Variants in CDC20B observed in about 807,000 individuals in gnomAD.
CDC20B encodes the protein cell division cycle protein 20 homolog B.
In CDC20B, 58 loss-of-function variants were observed where a neutral mutation model predicts 64.1. The ratio of observed to expected loss-of-function variants is 0.90; its 90% CI spans 0.73 to 1.13. The LOEUF (loss-of-function observed/expected upper bound fraction) is 1.13, where lower values mean the gene tolerates loss of function less well. Ranked by LOEUF, CDC20B falls within the 50% of genes most tolerant of loss-of-function variation. The pLI is 0.00. For missense variants in CDC20B, 597 were observed against 633.0 expected, an observed-to-expected ratio of 0.94 and a Z score of 0.61; for synonymous variants, 243 against 230.6, an observed-to-expected ratio of 1.05 and a Z score of -0.49.
intron 2 of CDC20B, among the ~76,000 whole-genome samples, chr5:55,147,373 G>A (rs1743524314): frequency 7.1e-6 from 1 of 140,236 alleles, no homozygotes; most frequent in East Asian, 2.0e-4. Context: ...ACATAAGTAT[G>A]TTATGTTTTA....
At chr5:55,134,169 C>T (rs1310546270) in intron 5 of CDC20B, among the ~76,000 whole-genome samples, 2 of 152,068 alleles carry the variant, frequency 1.3e-5, no homozygotes, top group Admixed American at 6.6e-5. Context: ...AACCACAGGC[C>T]GCTGTCTTTT....
At chr5:55,147,950 C>G (rs551313505) in intron 2 of CDC20B, among the ~76,000 whole-genome samples, 105 of 152,214 alleles carry the variant, frequency 6.9e-4, no homozygotes, top group Middle Eastern at 3.4e-3. Context: ...TAAGAAACAC[C>G]AGGAGTTTGA....
rs1270583092 is a variant in CDC20B at position 55,133,516 on chromosome 5, C to G, written c.593G>C (p.Gly198Ala). 2 of 1,541,684 alleles carry G rather than the reference C, an allele frequency of 1.3e-6. No homozygotes were observed. The highest frequency in any genetic ancestry group is 1.8e-6 in the Non-Finnish European group (2 of 1,129,818). Residue 198 changes from glycine to alanine, a missense_variant, in exon 6 of 12, where the codon GGA (glycine) becomes GCA (alanine). Gly to Ala is a moderately conservative substitution (Grantham distance 60). Coordinates refer to ENST00000381375, the MANE Select transcript of CDC20B (RefSeq NM_001170402.1). ...AAGATGGAAGGATTCATCTCTGACTCCATCTTTGCAGCCTACAAGAAACAA... is the reference window on the plus strand; with the variant it reads ...AAGATGGAAGGATTCATCTCTGACTGCATCTTTGCAGCCTACAAGAAACAA... ...SECVWKGCKD[G>A]VRDESFHLKS...
intron 2 of CDC20B, among the ~76,000 whole-genome samples, chr5:55,167,680 G>A (rs1233576896): frequency 6.6e-6 from 1 of 152,094 alleles, no homozygotes; most frequent in South Asian, 2.1e-4. Context: ...GGGCAACATG[G>A]CAAAACCCTG....
At chr5:55,139,492 G>A (rs1356990142) in intron 5 of CDC20B, among the ~76,000 whole-genome samples, 7 of 152,022 alleles carry the variant, frequency 4.6e-5, no homozygotes, top group Non-Finnish European at 8.8e-5. Flanking sequence ...GACAGCTACG[G>A]AATAAAACAT....
intron 5 of CDC20B, among the ~76,000 whole-genome samples, chr5:55,140,113 A>T (rs939681662): frequency 9.2e-5 from 14 of 152,208 alleles, no homozygotes; most frequent in African/African-American, 3.4e-4. Flanking sequence ...AGCTGGAAGA[A>T]CTAAAGGTGG....
intron 5 of CDC20B, chr5:55,135,727 CT>C (rs1317517468): frequency 2.0e-5 from 3 of 147,988 alleles, no homozygotes; most frequent in Non-Finnish European, 4.5e-5. Flanking sequence ...AATTTGTAAA[CT>C]TTGTAAAAAC....
chr5:55,118,887 T>C (rs1444356726), intron 11 of CDC20B, among the ~76,000 whole-genome samples: 1 of 152,080 alleles, frequency 6.6e-6, no homozygotes, highest in African/African-American at 2.4e-5. Context: ...CCAAAGAGAG[T>C]CATGGTATTA....
At chr5:55,169,636 G>T (rs180778936) in intron 2 of CDC20B, among the ~76,000 whole-genome samples, 1 of 152,190 alleles carries the variant, frequency 6.6e-6, no homozygotes, top group East Asian at 1.9e-4. Context: ...AAAGGATTGA[G>T]GTAGATCTTC....
At position 55,143,654 on chromosome 5, in the gene CDC20B, G is replaced by C. The variant is rs752303866; in HGVS notation, c.356-11C>G. 2.1e-5 allele frequency: 33 copies of C among 1,562,610 alleles called. No individual in the cohort carries two copies. Among genetic ancestry groups the C allele is most frequent in the Admixed American group, 4.1e-5 (2 of 48,964 alleles). ...GTTCTTTGCGGGATCCTACAAGAAA[G>C]ACATTTATCTTTGAATTTGGTTTTT... On this transcript the variant is annotated splice_polypyrimidine_tract_variant and intron_variant, in intron 3 of 11. Coordinates refer to ENST00000381375, the MANE Select transcript of CDC20B (RefSeq NM_001170402.1).
chr5:55,118,401 GA>G (rs1742672653), intron 11 of CDC20B, among the ~76,000 whole-genome samples: 1 of 152,112 alleles, frequency 6.6e-6, no homozygotes, highest in South Asian at 2.1e-4. Flanking sequence ...TAATATTAAT[GA>G]AAAAACTCGC....
At chr5:55,138,002 A>G (rs747976414) in intron 5 of CDC20B, among the ~76,000 whole-genome samples, 2 of 152,124 alleles carry the variant, frequency 1.3e-5, no homozygotes, top group Non-Finnish European at 2.9e-5. Context: ...GTTCCCACAC[A>G]TACACACACA....
At chr5:55,160,157 C>G (rs1743955064) in intron 2 of CDC20B, 1 of 1,521,988 alleles carries the variant, frequency 6.6e-7, no homozygotes, top group Non-Finnish European at 9.1e-7. Flanking sequence ...TCCTTGAATT[C>G]CAGGCTGCTG....
At chr5:55,116,325 G>A (rs1394922886) in intron 11 of CDC20B, among the ~76,000 whole-genome samples, 3 of 152,168 alleles carry the variant, frequency 2.0e-5, no homozygotes, top group Non-Finnish European at 4.4e-5. Context: ...AGGTGTTTGA[G>A]GCTACAGTGC....
intron 5 of CDC20B, among the ~76,000 whole-genome samples, chr5:55,133,959 A>ATTTTAGCT (rs977298289): frequency 6.6e-6 from 1 of 152,068 alleles, no homozygotes; most frequent in African/African-American, 2.4e-5. Context: ...TGATTCGTTG[A>ATTTTAGCT]TTTTAGCTCT....
intron 2 of CDC20B, chr5:55,161,256 GTAA>G (rs1212753661): frequency 6.2e-7 from 1 of 1,612,712 alleles, no homozygotes; most frequent in Non-Finnish European, 8.5e-7. Flanking sequence ...TTTCTTGTTG[GTAA>G]ATATCTGCCT....
intron 2 of CDC20B, among the ~76,000 whole-genome samples, chr5:55,156,998 G>A (rs1743827675): frequency 6.6e-6 from 1 of 152,132 alleles, no homozygotes; most frequent in Admixed American, 6.5e-5. Context: ...AGTTGCATGA[G>A]GCTGGCTCCT....
intron 2 of CDC20B, 84 bp from the exon 3 acceptor site, chr5:55,146,940 C>T: frequency 3.5e-6 from 3 of 851,214 alleles, no homozygotes; most frequent in Non-Finnish European, 5.7e-6. Flanking sequence ...TTACAAATGA[C>T]TCATCTAGTA....
In CDC20B at chr5:55,114,361, ATGGGC is replaced by A; in HGVS notation, c.1460-48_1460-44del. The A allele has an allele frequency of 6.2e-7, 1 of 1,607,884 alleles. No homozygotes were observed. Among genetic ancestry groups the A allele is most frequent in the South Asian group, 1.1e-5 (1 of 90,090 alleles). ...GACAGTTCATACTCCTCCACGTTAC[ATGGGC>A]TGCTGCTCAGGACTGTAGGCAATGT... On this transcript the variant is annotated intron_variant, in intron 11 of 11. Transcript: ENST00000381375. The surrounding 1 kb of genome is among the most constrained non-coding windows in gnomAD (Gnocchi z 4.1).
Sources: allele counts gnomAD v4.1 joint callset (sites outside exome capture counted in the v4.1 genomes callset), GRCh38; gene constraint gnomAD v4.1.1; non-coding constraint Gnocchi (gnomAD v3.1); transcripts MANE v1.5; gene names NCBI Gene and HGNC (gene_info 2026-07-23, HGNC 2026-07-21).